NCEH1: variants seen among roughly 807,000 people sequenced by gnomAD.
The protein encoded by NCEH1 is neutral cholesterol ester hydrolase 1, also known as 2-acetyl MAGE hydrolase.
A neutral mutation model predicts 25.4 loss-of-function variants in NCEH1; 9 were observed. The observed-to-expected ratio is 0.35, with a 90% CI of 0.21 to 0.62. NCEH1 has a LOEUF of 0.62. NCEH1 is among the 20% of genes least tolerant of loss of function. The probability of loss-of-function intolerance (pLI) is 0.72; values close to 1 mark genes in which losing one functional copy is unlikely to be tolerated. For synonymous variants in NCEH1, 200 were observed against 199.8 expected, an observed-to-expected ratio of 1.00 and a Z score of -0.01; for missense variants, 412 against 501.1, an observed-to-expected ratio of 0.82 and a Z score of 1.70.
intron 1 of NCEH1, among the ~76,000 whole-genome samples, chr3:172,706,926 C>T (rs35675123): frequency 0.45 from 68,945 of 151,906 alleles, 17,707 homozygotes; most frequent in East Asian, 0.69. Context: ...CTTTGTCTTA[C>T]GGTGCTGATG....
rs780644983 is a variant in NCEH1, at chr3:172,634,021, T to C, written c.681A>G (p.Leu227=). The change falls in exon 5 of 5, where the codon TTA becomes TTG. Residue 227 remains leucine, a synonymous_variant. Coordinates refer to ENST00000475381, the MANE Select transcript of NCEH1 (RefSeq NM_020792.6). ...GCTGATAAGATGGTGTGTTAAAATC[T>C]AAAGCTTGAAGAACTGGATAAATTA... ...QALIYPVLQA[L]DFNTPSYQQN... is the part of the protein sequence containing the mutation. 3 of 1,614,202 alleles carry C rather than the reference T, an allele frequency of 1.9e-6. No homozygotes were observed. The highest frequency in any genetic ancestry group is 1.1e-5 in the South Asian group (1 of 91,082).
At chr3:172,652,763 T>C (rs1299922477) in intron 1 of NCEH1, among the ~76,000 whole-genome samples, 2 of 152,332 alleles carry the variant, frequency 1.3e-5, no homozygotes, top group East Asian at 3.9e-4. Context: ...TGGCATGATC[T>C]TGGCTCACTA....
At chr3:172,651,901 G>T (rs1257497938) in intron 1 of NCEH1, among the ~76,000 whole-genome samples, 1 of 152,190 alleles carries the variant, frequency 6.6e-6, no homozygotes, top group Non-Finnish European at 1.5e-5. Flanking sequence ...AAGATTACAT[G>T]ACGAATAAGA....
chr3:172,680,195 T>C (rs1228384296), intron 1 of NCEH1, among the ~76,000 whole-genome samples: 1 of 152,176 alleles, frequency 6.6e-6, no homozygotes, highest in Non-Finnish European at 1.5e-5. Context: ...AGACTCTCAT[T>C]AGGCAGTGTT....
rs1236803139 is a variant in NCEH1, at chr3:172,630,573, G to T, written c.*2902C>A. On this transcript the variant is annotated 3_prime_UTR_variant, in exon 5 of 5. Coordinates refer to ENST00000475381, the MANE Select transcript of NCEH1 (RefSeq NM_020792.6). ...GAAGATTGGGAAAGAATTGTGGCTG[G>T]CAATTTGGCATACAGAAAGAAGAGA... 3 of 152,178 alleles carry T rather than the reference G, an allele frequency of 2.0e-5. No homozygotes were observed. Among genetic ancestry groups the T allele is most frequent in the Non-Finnish European group, 4.4e-5 (3 of 68,040 alleles). The allele number at this position is 152,178 out of a possible 1,614,324, so 9.4% of individuals were successfully genotyped here. A position where few individuals can be genotyped will look rare whatever the true frequency, so the allele number is the denominator to read the frequency against.
intron 4 of NCEH1, 41 bp downstream of exon 4, chr3:172,635,875 G>A (rs1478509146): frequency 7.6e-6 from 12 of 1,588,808 alleles, no homozygotes; most frequent in Non-Finnish European, 1.0e-5. Flanking sequence ...ACCTTGTCAT[G>A]CACCGCTTAA....
chr3:172,647,098 G>A (rs1717151935), intron 2 of NCEH1, among the ~76,000 whole-genome samples: 1 of 151,416 alleles, frequency 6.6e-6, no homozygotes, highest in Admixed American at 6.5e-5. Context: ...CAAACCTTTT[G>A]ACCTTTGTTG....
chr3:172,640,798 C>T (rs1021302862), intron 3 of NCEH1, among the ~76,000 whole-genome samples: 6 of 151,978 alleles, frequency 3.9e-5, no homozygotes, highest in East Asian at 1.9e-4. Context: ...TGAGCCACTG[C>T]GCCCGGCCCC....
At chr3:172,638,803 T>A (rs1383426941) in intron 3 of NCEH1, among the ~76,000 whole-genome samples, 2 of 152,146 alleles carry the variant, frequency 1.3e-5, no homozygotes, top group Non-Finnish European at 2.9e-5. Flanking sequence ...CAAAGGCAAT[T>A]GGTAACCTAA....
At chr3:172,683,490 T>G (rs1445733635) in intron 1 of NCEH1, among the ~76,000 whole-genome samples, 1 of 150,492 alleles carries the variant, frequency 6.6e-6, no homozygotes, top group East Asian at 1.9e-4. Flanking sequence ...GGCAATATAG[T>G]GAGACCTCTG....
chr3:172,710,532 T>C (rs1274476172), intron 1 of NCEH1, among the ~76,000 whole-genome samples: 3 of 152,212 alleles, frequency 2.0e-5, no homozygotes, highest in Non-Finnish European at 2.9e-5. Flanking sequence ...TGCTTAAGGA[T>C]TTGCCTTTTG....
At position 172,676,393 on chromosome 3, in the gene NCEH1, G is replaced by A. The variant is rs1711998427; in HGVS notation, c.139-28279C>T. 2.0e-5 allele frequency among the ~76,000 whole-genome samples: 3 copies of A among 152,080 alleles called. No homozygotes were observed. The South Asian group carries it at 6.2e-4, about 31-fold the overall frequency. ...GTGCCAAGTGTCATGGCTACCTCCAGATAATACCATGTGTTCAGAACATCA... is the reference window on the plus strand; with the variant it reads ...GTGCCAAGTGTCATGGCTACCTCCAAATAATACCATGTGTTCAGAACATCA... On this transcript the variant is annotated intron_variant, in intron 1 of 4. Coordinates refer to ENST00000475381, the MANE Select transcript of NCEH1 (RefSeq NM_020792.6).
At chr3:172,642,842 C>T (rs1040543684) in intron 3 of NCEH1, among the ~76,000 whole-genome samples, 2 of 152,202 alleles carry the variant, frequency 1.3e-5, no homozygotes, top group African/African-American at 2.4e-5. Flanking sequence ...CTAGCATGCA[C>T]ACTCCAAGCC....
At chr3:172,668,824 T>C (rs1718351615) in intron 1 of NCEH1, among the ~76,000 whole-genome samples, 1 of 152,048 alleles carries the variant, frequency 6.6e-6, no homozygotes, top group African/African-American at 2.4e-5. Context: ...ATATATATTT[T>C]CCCCCCAGAA....
chr3:172,694,378 A>ATGAGTGTGTGTGTGTGTGTG (rs1713240573), intron 1 of NCEH1, among the ~76,000 whole-genome samples: 1 of 151,236 alleles, frequency 6.6e-6, no homozygotes, highest in African/African-American at 2.4e-5. Context: ...AGTTATATAT[A>ATGAGTGTGTGTGTGTGTGTG]TGTGTGTGTG....
At chr3:172,675,443 CAA>C (rs200662590) in intron 1 of NCEH1, among the ~76,000 whole-genome samples, 8 of 133,048 alleles carry the variant, frequency 6.0e-5, no homozygotes, top group African/African-American at 8.7e-5. Context: ...AAAAATTTTA[CAA>C]AAAAAAAAAG....
chr3:172,673,977 G>T (rs1291197253), intron 1 of NCEH1, among the ~76,000 whole-genome samples: 1 of 152,182 alleles, frequency 6.6e-6, no homozygotes, highest in African/African-American at 2.4e-5. Flanking sequence ...TGTGTTCAGA[G>T]ATTTCTTTTC....
intron 1 of NCEH1, among the ~76,000 whole-genome samples, chr3:172,683,539 C>T (rs1403532522): frequency 2.0e-5 from 3 of 151,964 alleles, no homozygotes; most frequent in Non-Finnish European, 4.4e-5. Context: ...ATTATCCAGG[C>T]ATAGTGGCTC....
At chr3:172,657,718 A>T (rs1267019324) in intron 1 of NCEH1, among the ~76,000 whole-genome samples, 2 of 152,226 alleles carry the variant, frequency 1.3e-5, no homozygotes, top group Non-Finnish European at 2.9e-5. Context: ...CAGGAAAAAA[A>T]GAAAAATCTA....
Sources: gnomAD v4.1 joint callset for allele counts (sites outside exome capture counted in the v4.1 genomes callset) on GRCh38, gnomAD v4.1.1 for gene constraint, MANE v1.5 for transcripts, NCBI Gene and HGNC (gene_info 2026-07-23, HGNC 2026-07-21) for gene names.